The following MAG variants were observed in gnomAD, a reference collection of about 807,000 sequenced individuals.
MAG encodes the protein myelin-associated glycoprotein.
In MAG, 30 loss-of-function variants were observed where a neutral mutation model predicts 60.7. The ratio of observed to expected loss-of-function variants is 0.49; its 90% CI spans 0.37 to 0.67. The LOEUF is 0.67. Among genes scored for constraint, MAG ranks in the 30% least tolerant of loss-of-function variants. MAG has a pLI of 0.00. For missense variants in MAG, 795 were observed against 851.7 expected, an observed-to-expected ratio of 0.93 and a Z score of 0.83; for synonymous variants, 384 against 376.8, an observed-to-expected ratio of 1.02 and a Z score of -0.22.
Position 35,295,308 on chromosome 19 carries a change from T to C in MAG, c.-23-78T>C. 9.1e-7 allele frequency: 1 copy of C among 1,101,916 alleles called. No homozygotes were observed. The highest frequency in any genetic ancestry group is 1.3e-6 in the Non-Finnish European group (1 of 741,394). The allele number at this position is 1,101,916 out of a possible 1,614,324, so 68.3% of individuals were successfully genotyped here. ...ATAGCAGCAGCAGCTAACATATGAA[T>C]GGGCCCCTTCCTGAAGCCCAGATGG... is the stretch of plus-strand genomic sequence containing the variant. On this transcript the variant is annotated intron_variant, in intron 2 of 10. Transcript: ENST00000392213. The surrounding 1 kb of genome is among the most constrained non-coding windows in gnomAD (Gnocchi z 5.8).
chr19:35,292,454 G>A (rs539974795), intron 1 of MAG, among the ~76,000 whole-genome samples: 1 of 152,210 alleles, frequency 6.6e-6, no homozygotes, highest in South Asian at 2.1e-4. Context: ...CACCCCTTGT[G>A]GGTGAAGATT....
intron 7 of MAG, among the ~76,000 whole-genome samples, chr19:35,308,751 G>C (rs2066503146): frequency 6.6e-6 from 1 of 152,200 alleles, no homozygotes; most frequent in Non-Finnish European, 1.5e-5. Context: ...ATTTCATTTA[G>C]GGTGAATATT....
chr19:35,299,780 G>A lies in MAG; in HGVS notation c.642G>A (p.Arg214=), dbSNP rs1279257840. ...CCACGAGGGAGGCCAACGGCCACAG[G>A]CTGGGCTGCCAGGCCTCCTTCCCCA... ...FVPTREANGH[R]LGCQASFPNT... Residue 214 remains arginine (R), a synonymous_variant, in exon 5 of 11, where the codon AGG becomes AGA. Coordinates refer to ENST00000392213, the MANE Select transcript of MAG (RefSeq NM_002361.4). The A allele has an allele frequency of 7.1e-6, 11 of 1,546,814 alleles. No homozygotes were observed. Among genetic ancestry groups the A allele is most frequent in the Non-Finnish European group, 9.6e-6 (11 of 1,150,370 alleles).
In MAG at chr19:35,310,605, G is replaced by C; in HGVS notation, c.1578G>C (p.Leu526=). 6.2e-7 allele frequency: 1 copy of C among 1,614,124 alleles called. No homozygotes were observed. Among genetic ancestry groups the C allele is most frequent in the African/African-American group, 1.3e-5 (1 of 75,066 alleles). ...GCGCCGTGGTCGCCTTTGCCATCCTGATTGCCATCGTCTGCTACATTACCC... is the reference window on the plus strand; with the variant it reads ...GCGCCGTGGTCGCCTTTGCCATCCTCATTGCCATCGTCTGCTACATTACCC... ...PVGAVVAFAI[L]IAIVCYITQT... is the part of the protein sequence containing the mutation. Residue 526 remains leucine (L), a synonymous_variant, in exon 9 of 11, where the codon CTG becomes CTC. Coordinates refer to ENST00000392213, the MANE Select transcript of MAG (RefSeq NM_002361.4).
Position 35,305,681 on chromosome 19 carries a change from G to A in MAG, c.1231+2973G>A, listed in dbSNP as rs182101806. On this transcript the variant is annotated intron_variant, in intron 7 of 10. Transcript: ENST00000392213. ...GAGAACTAAGAGAATTAGGCTGGGCGTGGTGGCCCACACCTGTAGTCCCAG... is the reference window on the plus strand; with the variant it reads ...GAGAACTAAGAGAATTAGGCTGGGCATGGTGGCCCACACCTGTAGTCCCAG... Among the ~76,000 whole-genome samples the A allele has an allele frequency of 4.5e-3, 678 of 152,282 alleles. 4 individuals carry two copies. The highest frequency in any genetic ancestry group is 0.016 in the African/African-American group (649 of 41,552).
intron 4 of MAG, among the ~76,000 whole-genome samples, chr19:35,296,452 G>A (rs772064542): frequency 6.6e-6 from 1 of 152,222 alleles, no homozygotes; most frequent in African/African-American, 2.4e-5. Flanking sequence ...AAAGCAGGGC[G>A]GTGGCTGTCA....
At chr19:35,312,503 A>G in intron 10 of MAG, 1 of 305,812 alleles carries the variant, frequency 3.3e-6, no homozygotes, top group Non-Finnish European at 6.4e-6. Context: ...GTCTGTGGCC[A>G]CCGTCCTGTG....
chr19:35,301,261 T>C (rs1239751022), intron 6 of MAG, among the ~76,000 whole-genome samples: 1 of 152,148 alleles, frequency 6.6e-6, no homozygotes, highest in East Asian at 1.9e-4. Flanking sequence ...TATGCACATT[T>C]ATATTACTGG....
In MAG at chr19:35,299,606, G is replaced by A; in HGVS notation, c.468G>A (p.Glu156=). 2 of 1,607,808 alleles carry A rather than the reference G, an allele frequency of 1.2e-6. No individual in the cohort carries two copies. The highest frequency in any genetic ancestry group is 1.7e-6 in the Non-Finnish European group (2 of 1,175,782). Residue 156 remains glutamate (E), a synonymous_variant, in exon 5 of 11, where the codon GAG becomes GAA. Transcript: ENST00000392213. ...PPEVVAGTEV[E]VSCMVPDNCP... is the part of the protein sequence containing the mutation. ...AGGTGGTGGCAGGCACGGAGGTGGA[G>A]GTCAGCTGCATGGTGCCGGACAACT... is the stretch of plus-strand genomic sequence containing the variant.
chr19:35,311,108 G>T (rs1327906758), intron 9 of MAG, among the ~76,000 whole-genome samples: 3 of 152,202 alleles, frequency 2.0e-5, no homozygotes, highest in Admixed American at 6.5e-5. Context: ...AAGGAGGAAG[G>T]ATTGCTTGAG....
At position 35,295,098 on chromosome 19, in the gene MAG, C is replaced by CA. The variant is rs1213630437; in HGVS notation, c.-23-282dup. The stretch of plus-strand genomic sequence containing the variant: ...GACCCCACCTCCACAACCATTTCCA[C>CA]AAAAAAGAAGAAAAATTAACTGGGT... On this transcript the variant is annotated intron_variant, in intron 2 of 10. Coordinates refer to ENST00000392213, the MANE Select transcript of MAG (RefSeq NM_002361.4). This position sits in a 1 kb window ranked among gnomAD's most constrained non-coding sequence, Gnocchi z 5.8. 2.0e-5 allele frequency among the ~76,000 whole-genome samples: 3 copies of CA among 152,124 alleles called. No individual in the cohort carries two copies. Among genetic ancestry groups the CA allele is most frequent in the Non-Finnish European group, 2.9e-5 (2 of 67,982 alleles).
chr19:35,312,229 G>A, intron 10 of MAG: 1 of 1,557,244 alleles, frequency 6.4e-7, no homozygotes, highest in Non-Finnish European at 8.9e-7. Context: ...GGGGCCTAAG[G>A]GCCCCCTCCC....
chr19:35,313,342 C>A lies in MAG; in HGVS notation c.1769C>A (p.Pro590His). The change falls in exon 11 of 11, where the codon CCC (proline) becomes CAC (histidine). Residue 590 changes from proline to histidine, a missense_variant. Pro to His is a moderately conservative substitution (Grantham distance 77). Coordinates refer to ENST00000392213, the MANE Select transcript of MAG (RefSeq NM_002361.4). ...ERRLLGLRGE[P>H]PELDLSYSHS... is the part of the protein sequence containing the mutation. ...AGGCTGCTGGGCCTTCGGGGTGAGCCCCCAGAGCTGGACCTGAGCTATTCT... is the reference window on the plus strand; with the variant it reads ...AGGCTGCTGGGCCTTCGGGGTGAGCACCCAGAGCTGGACCTGAGCTATTCT... 6.2e-7 allele frequency: 1 copy of A among 1,614,140 alleles called. No homozygotes were observed. Among genetic ancestry groups the A allele is most frequent in the Non-Finnish European group, 8.5e-7 (1 of 1,180,006 alleles).
chr19:35,301,641 A>C (rs1372401046), intron 6 of MAG, among the ~76,000 whole-genome samples: 1 of 152,022 alleles, frequency 6.6e-6, no homozygotes, highest in Non-Finnish European at 1.5e-5. Context: ...CATGTTGGCC[A>C]GAATAGTCTC....
In MAG at chr19:35,301,159, C is replaced by T. The variant is rs376255375; in HGVS notation, c.970+755C>T. Among the ~76,000 whole-genome samples, 5 of 152,096 alleles carry T rather than the reference C, an allele frequency of 3.3e-5. No individual in the cohort carries two copies. The East Asian group carries it at 5.8e-4, about 18-fold the overall frequency. ...TGCTGGGATTAGAGGCATGAGCCAC[C>T]GTGCCTGTCCAGGAATCTGCATTTT... On this transcript the variant is annotated intron_variant, in intron 6 of 10. Coordinates refer to ENST00000392213, the MANE Select transcript of MAG (RefSeq NM_002361.4).
intron 6 of MAG, 64 bp from the exon 7 acceptor site, chr19:35,302,384 G>T: frequency 6.3e-7 from 1 of 1,588,696 alleles, no homozygotes; most frequent in South Asian, 1.1e-5. Context: ...ATCTGGGGAT[G>T]GTAGTTGGCT....
At chr19:35,304,215 G>T (rs944431352) in intron 7 of MAG, among the ~76,000 whole-genome samples, 9 of 152,116 alleles carry the variant, frequency 5.9e-5, no homozygotes, top group African/African-American at 2.2e-4. Flanking sequence ...TCCCTAGCGG[G>T]GCTGATGTGA....
chr19:35,308,286 A>G (rs1048339126), intron 7 of MAG, among the ~76,000 whole-genome samples: 1 of 152,190 alleles, frequency 6.6e-6, no homozygotes, highest in Non-Finnish European at 1.5e-5. Flanking sequence ...TTCCAAGTTG[A>G]GGGAGAAACG....
At chr19:35,309,700 G>A in intron 7 of MAG, 174 bp from the exon 8 acceptor site, 1 of 710,972 alleles carries the variant, frequency 1.4e-6, no homozygotes, top group South Asian at 1.8e-5. Context: ...GTCGTAGTGA[G>A]GTCAAGGCGC....
Sources: allele counts gnomAD v4.1 joint callset (sites outside exome capture counted in the v4.1 genomes callset), GRCh38; gene constraint gnomAD v4.1.1; non-coding constraint Gnocchi (gnomAD v3.1); transcripts MANE v1.5; gene names NCBI Gene and HGNC (gene_info 2026-07-23, HGNC 2026-07-21).